Variants in TBC1D31 observed in about 807,000 individuals in gnomAD.
TBC1D31 encodes WD repeat domain 67.
A neutral mutation model predicts 132.9 loss-of-function variants in TBC1D31; 99 were observed. The ratio of observed to expected loss-of-function variants is 0.74; its 90% CI spans 0.63 to 0.88. The LOEUF (loss-of-function observed/expected upper bound fraction) is 0.88, where lower values mean the gene tolerates loss of function less well. Ranked by LOEUF, TBC1D31 falls within the 40% of genes least tolerant of loss-of-function variation. The pLI, the probability that TBC1D31 is intolerant of heterozygous loss-of-function variation, is 0.00. For synonymous variants in TBC1D31, 385 were observed against 419.4 expected, an observed-to-expected ratio of 0.92 and a Z score of 1.00; for missense variants, 1,134 against 1,256.6, an observed-to-expected ratio of 0.90 and a Z score of 1.48.
chr8:123,083,096 G>C, intron 3 of TBC1D31: 1 of 266,566 alleles, frequency 3.8e-6, no homozygotes, highest in Non-Finnish European at 7.1e-6. Flanking sequence ...TATAACAAAA[G>C]GATACAAAGT....
chr8:123,095,613 T>G (rs574843337), intron 5 of TBC1D31, among the ~76,000 whole-genome samples: 1 of 152,234 alleles, frequency 6.6e-6, no homozygotes, highest in Non-Finnish European at 1.5e-5. Flanking sequence ...TTCTTAGAGA[T>G]GTTCCAATTC....
At chr8:123,096,982 A>G (rs1023805168) in intron 5 of TBC1D31, among the ~76,000 whole-genome samples, 7 of 152,246 alleles carry the variant, frequency 4.6e-5, no homozygotes, top group African/African-American at 1.7e-4. Flanking sequence ...ACCCACAATC[A>G]GGTCATTAAA....
chr8:123,122,458 AT>A (rs1380573824), intron 11 of TBC1D31, among the ~76,000 whole-genome samples: 1 of 152,234 alleles, frequency 6.6e-6, no homozygotes. Context: ...TTATTGTATG[AT>A]TTCACTTAGG....
intron 4 of TBC1D31, among the ~76,000 whole-genome samples, chr8:123,087,916 C>T (rs1586575466): frequency 6.6e-6 from 1 of 152,360 alleles, no homozygotes; most frequent in East Asian, 1.9e-4. Flanking sequence ...GGTACGGGGG[C>T]TTACGCCTGT....
chr8:123,153,098 G>C (rs767374039), downstream of TBC1D31, among the ~76,000 whole-genome samples: 1 of 152,124 alleles, frequency 6.6e-6, no homozygotes. Flanking sequence ...TCTCAGCCTA[G>C]TTTTCCATAC....
intron 2 of TBC1D31, among the ~76,000 whole-genome samples, chr8:123,079,324 A>C (rs1043691430): frequency 6.6e-6 from 1 of 152,170 alleles, no homozygotes; most frequent in Non-Finnish European, 1.5e-5. Flanking sequence ...TTATATTGTG[A>C]TTATGTAGGA....
Position 123,128,147 on chromosome 8 carries a change from A to G in TBC1D31, c.1885-134A>G, listed in dbSNP as rs919418033. ...TCTTTGTTGTAAAACTTGAGTAAAG[A>G]AAAGCTTTAATGAATTTGCAAAAAA... On this transcript the variant is annotated intron_variant, in intron 13 of 21. Transcript: ENST00000287380. 1.5e-5 allele frequency: 7 copies of G among 475,526 alleles called. No homozygotes were observed. The Middle Eastern group carries it at 1.6e-3, about 107-fold the overall frequency. 29.5% of individuals were successfully genotyped at this position (475,526 alleles called of 1,614,324 possible). A position where few individuals can be genotyped will look rare whatever the true frequency, so the allele number is the denominator to read the frequency against.
chr8:123,115,813 C>T (rs887061657), intron 10 of TBC1D31, among the ~76,000 whole-genome samples: 1 of 152,122 alleles, frequency 6.6e-6, no homozygotes, highest in Admixed American at 6.5e-5. Flanking sequence ...TATTAAGGAC[C>T]TATGTGATTA....
intron 8 of TBC1D31, among the ~76,000 whole-genome samples, 172 bp from the exon 9 acceptor site, chr8:123,109,145 G>A (rs1414237243): frequency 6.6e-6 from 1 of 152,150 alleles, no homozygotes; most frequent in East Asian, 1.9e-4. Context: ...CTATGTATAT[G>A]CATGCTCAAG....
the TBC1D31 span, among the ~76,000 whole-genome samples, chr8:123,164,910 G>A: frequency 6.6e-6 from 1 of 152,190 alleles, no homozygotes; most frequent in Non-Finnish European, 1.5e-5. Flanking sequence ...TTATTGTTCT[G>A]TGACATTTTC....
chr8:123,116,751 T>A (rs1818956108), intron 10 of TBC1D31, among the ~76,000 whole-genome samples: 1 of 152,184 alleles, frequency 6.6e-6, no homozygotes, highest in Non-Finnish European at 1.5e-5. Context: ...CAAGGGCACG[T>A]GACTCAACCT....
Position 123,129,205 on chromosome 8 carries a change from C to T in TBC1D31, c.2257C>T (p.Gln753Ter). 1 of 1,587,298 alleles carries T rather than the reference C, an allele frequency of 6.3e-7. No individual in the cohort carries two copies. Among genetic ancestry groups the T allele is most frequent in the Non-Finnish European group, 8.6e-7 (1 of 1,161,674 alleles). The change falls in exon 15 of 22, where the codon CAA becomes TAA. Residue 753 changes from glutamine (Q) to a stop codon, truncating the protein, a stop_gained. Transcript: ENST00000287380. LOFTEE classifies it high-confidence loss of function. ...MLLQEEEKMI[Q>*]QRQRLAAVKR... ...CTTACAAGAGGAGGAGAAAATGATA[C>T]AACAAAGACAGAGGTATGTGTTATC...
chr8:123,162,178 C>G, the TBC1D31 span, among the ~76,000 whole-genome samples: 6 of 151,910 alleles, frequency 3.9e-5, no homozygotes, highest in Admixed American at 3.9e-4. Context: ...TACTTCCCCC[C>G]ACAGAATACT....
intron 17 of TBC1D31, among the ~76,000 whole-genome samples, chr8:123,139,045 C>G (rs1158858892): frequency 6.6e-6 from 1 of 151,600 alleles, no homozygotes; most frequent in African/African-American, 2.4e-5. Flanking sequence ...TGGGCTCAAG[C>G]AGTCCTCCCA....
chr8:123,106,642 T>C (rs1028719049), intron 8 of TBC1D31, among the ~76,000 whole-genome samples: 22 of 152,222 alleles, frequency 1.4e-4, no homozygotes, highest in Non-Finnish European at 1.3e-4. Flanking sequence ...TAACTTCTTT[T>C]TTCTTTAAGC....
At chr8:123,091,771 C>A (rs1009615061) in intron 4 of TBC1D31, among the ~76,000 whole-genome samples, 4 of 152,020 alleles carry the variant, frequency 2.6e-5, no homozygotes, top group African/African-American at 9.7e-5. Flanking sequence ...GGTTAATTTC[C>A]GTTAATAATT....
chr8:123,120,488 G>A lies in TBC1D31; in HGVS notation c.1570+300G>A, dbSNP rs144283307. Among the ~76,000 whole-genome samples the A allele has an allele frequency of 8.5e-3, 1,294 of 152,078 alleles. 21 individuals are homozygous for A. Among genetic ancestry groups the A allele is most frequent in the African/African-American group, 0.03 (1,230 of 41,524 alleles). ...GGAGTTCGAGACCAGCCTGGCCAAC[G>A]TGGTGAAACCCTGTCTCTACTAAAA... On this transcript the variant is annotated intron_variant, in intron 11 of 21. Coordinates refer to ENST00000287380, the MANE Select transcript of TBC1D31 (RefSeq NM_145647.4).
chr8:123,151,426 A>T (rs1822762753), intron 21 of TBC1D31, among the ~76,000 whole-genome samples: 1 of 152,224 alleles, frequency 6.6e-6, no homozygotes, highest in Non-Finnish European at 1.5e-5. Context: ...TTTATTGGAA[A>T]GGTAATCATG....
At chr8:123,085,391 A>C (rs1815625576) in intron 4 of TBC1D31, among the ~76,000 whole-genome samples, 1 of 152,166 alleles carries the variant, frequency 6.6e-6, no homozygotes, top group Non-Finnish European at 1.5e-5. Context: ...AAATAGAACT[A>C]TACAATAATA....
Sources: allele counts gnomAD v4.1 joint callset (sites outside exome capture counted in the v4.1 genomes callset), GRCh38; gene constraint gnomAD v4.1.1; transcripts MANE v1.5; gene names NCBI Gene and HGNC (gene_info 2026-07-23, HGNC 2026-07-21).